The following ST3GAL3 variants were observed in gnomAD, a reference collection of about 807,000 sequenced individuals.
ST3GAL3 encodes CMP-N-acetylneuraminate-beta-1,4-galactoside alpha-2,3-sialyltransferase.
A neutral mutation model predicts 50.1 loss-of-function variants in ST3GAL3; 21 were observed. The observed-to-expected ratio is 0.42, with a 90% CI of 0.30 to 0.60. The LOEUF is 0.60. Among genes scored for constraint, ST3GAL3 ranks in the 20% least tolerant of loss-of-function variants. ST3GAL3 has a pLI of 0.19. For missense variants in ST3GAL3, 353 were observed against 489.4 expected, an observed-to-expected ratio of 0.72 and a Z score of 2.63; for synonymous variants, 183 against 190.0, an observed-to-expected ratio of 0.96 and a Z score of 0.30.
At chr1:43,794,749 A>G (rs934983087) in intron 3 of ST3GAL3, among the ~76,000 whole-genome samples, 1 of 152,250 alleles carries the variant, frequency 6.6e-6, no homozygotes, top group Non-Finnish European at 1.5e-5. Context: ...TGAGCAAACC[A>G]TAGCCAGATG....
Position 43,899,606 on chromosome 1 carries a change from C to G in ST3GAL3, c.623C>G (p.Thr208Ser). 5 of 1,614,176 alleles carry G rather than the reference C, an allele frequency of 3.1e-6. No individual in the cohort carries two copies. The highest frequency in any genetic ancestry group is 4.2e-6 in the Non-Finnish European group (5 of 1,180,034). The part of the protein sequence containing the change: ...DVGSKTTLRI[T>S]YPEGAMQRPE... The stretch of plus-strand genomic sequence containing the variant: ...GGCAGCAAAACGACACTGCGCATCA[C>G]CTACCCCGAGGGCGCCATGCAGCGG... The change falls in exon 9 of 12, where the codon ACC becomes AGC. Residue 208 changes from threonine to serine, a missense_variant. Coordinates refer to ENST00000347631, the MANE Select transcript of ST3GAL3 (RefSeq NM_006279.5). This position sits in a 1 kb window ranked among gnomAD's most constrained non-coding sequence, Gnocchi z 5.4.
intron 9 of ST3GAL3, among the ~76,000 whole-genome samples, chr1:43,918,094 T>A (rs936709764): frequency 3.8e-4 from 57 of 149,824 alleles, no homozygotes; most frequent in Non-Finnish European, 7.5e-4. Context: ...AGTGATAAAA[T>A]AGACATCTAA....
intron 2 of ST3GAL3, among the ~76,000 whole-genome samples, chr1:43,771,559 G>C (rs572237022): frequency 1.7e-4 from 26 of 152,142 alleles, no homozygotes; most frequent in Admixed American, 3.9e-4. Flanking sequence ...GGATTTCAAC[G>C]TGTTAGCCAG....
At chr1:43,926,685 G>A (rs1479328746) in intron 11 of ST3GAL3, among the ~76,000 whole-genome samples, 1 of 152,150 alleles carries the variant, frequency 6.6e-6, no homozygotes, top group Non-Finnish European at 1.5e-5. Flanking sequence ...GCCCTGGTAA[G>A]GCTGGAGACC....
intron 1 of ST3GAL3, among the ~76,000 whole-genome samples, chr1:43,716,189 C>T (rs1240374648): frequency 2.6e-5 from 4 of 152,108 alleles, no homozygotes; most frequent in South Asian, 2.1e-4. Context: ...TTGCACCAAC[C>T]GAAATAGATG....
intron 9 of ST3GAL3, among the ~76,000 whole-genome samples, chr1:43,902,610 G>A (rs1052827766): frequency 2.0e-5 from 3 of 152,218 alleles, no homozygotes; most frequent in Admixed American, 6.5e-5. Context: ...AGGAGCCGTG[G>A]CCAAGCCAGC....
intron 3 of ST3GAL3, among the ~76,000 whole-genome samples, chr1:43,798,470 C>T (rs955296420): frequency 6.6e-6 from 1 of 152,178 alleles, no homozygotes; most frequent in Admixed American, 6.5e-5. Context: ...ACTGCCCTCA[C>T]GCTACATTGG....
At chr1:43,817,573 TCTCCTTCTC>T (rs1179214921) in intron 4 of ST3GAL3, among the ~76,000 whole-genome samples, 3 of 86,482 alleles carry the variant, frequency 3.5e-5, no homozygotes, top group Non-Finnish European at 4.8e-5. Flanking sequence ...TCCTTCTTCT[TCTCCTTCTC>T]CTCCTTCTCC....
chr1:43,798,178 G>C (rs543879062), intron 3 of ST3GAL3, among the ~76,000 whole-genome samples: 2 of 152,028 alleles, frequency 1.3e-5, no homozygotes, highest in East Asian at 3.9e-4. Flanking sequence ...TTCACAATGT[G>C]TTCTTCTCTA....
At chr1:43,797,692 A>T (rs1356903617) in intron 3 of ST3GAL3, among the ~76,000 whole-genome samples, 1 of 152,214 alleles carries the variant, frequency 6.6e-6, no homozygotes, top group African/African-American at 2.4e-5. Context: ...ACTTTATGGT[A>T]AAAGACTGCT....
chr1:43,793,474 C>A (rs907750246), intron 3 of ST3GAL3, among the ~76,000 whole-genome samples: 1 of 152,166 alleles, frequency 6.6e-6, no homozygotes, highest in Non-Finnish European at 1.5e-5. Context: ...GATCTCCTTA[C>A]AACAGCTTTG....
At chr1:43,756,336 G>A (rs984761920) in intron 2 of ST3GAL3, among the ~76,000 whole-genome samples, 12 of 151,910 alleles carry the variant, frequency 7.9e-5, no homozygotes, top group African/African-American at 1.2e-4. Context: ...GATTGCAAAC[G>A]GACACAAAAA....
intron 9 of ST3GAL3, among the ~76,000 whole-genome samples, chr1:43,908,094 C>G (rs1357290460): frequency 1.3e-5 from 2 of 152,124 alleles, no homozygotes; most frequent in African/African-American, 4.8e-5. Context: ...AGGGATAGCC[C>G]CTGATTCTTA....
chr1:43,857,522 CCCT>C, intron 5 of ST3GAL3, among the ~76,000 whole-genome samples: 1 of 145,292 alleles, frequency 6.9e-6, no homozygotes, highest in Non-Finnish European at 1.5e-5. Flanking sequence ...TTCCTTCCTT[CCCT>C]CCTCCTTCCC....
chr1:43,891,524 G>T (rs1020318930), intron 5 of ST3GAL3, among the ~76,000 whole-genome samples: 1 of 151,994 alleles, frequency 6.6e-6, no homozygotes. Flanking sequence ...AGCTGAGATC[G>T]CACCATTGCA....
At chr1:43,716,316 G>C (rs527325804) in intron 1 of ST3GAL3, among the ~76,000 whole-genome samples, 26 of 152,262 alleles carry the variant, frequency 1.7e-4, no homozygotes, top group African/African-American at 5.8e-4. Flanking sequence ...TTTTGTAGAA[G>C]AAAATTATGT....
intron 7 of ST3GAL3, 117 bp downstream of exon 7, chr1:43,898,415 A>G: frequency 1.0e-6 from 1 of 1,003,498 alleles, no homozygotes; most frequent in Non-Finnish European, 1.6e-6. Context: ...CCACACATGC[A>G]CATACAGTAC....
At chr1:43,818,893 G>A (rs974594727) in intron 4 of ST3GAL3, among the ~76,000 whole-genome samples, 1 of 152,146 alleles carries the variant, frequency 6.6e-6, no homozygotes, top group Non-Finnish European at 1.5e-5. Context: ...TAAGACATAA[G>A]AAATTATTTA....
At chr1:43,844,704 G>C (rs889572903) in intron 5 of ST3GAL3, among the ~76,000 whole-genome samples, 12 of 152,106 alleles carry the variant, frequency 7.9e-5, no homozygotes, top group Non-Finnish European at 1.6e-4. Context: ...GCGGGCGCCT[G>C]TAGTCCCAGC....
Sources: allele counts gnomAD v4.1 joint callset (sites outside exome capture counted in the v4.1 genomes callset), GRCh38; gene constraint gnomAD v4.1.1; non-coding constraint Gnocchi (gnomAD v3.1); transcripts MANE v1.5; gene names NCBI Gene and HGNC (gene_info 2026-07-23, HGNC 2026-07-21).